RABL6: variants seen among roughly 807,000 people sequenced by gnomAD.
The protein encoded by RABL6 is RAB, member RAS oncogene family like 6.
A neutral mutation model predicts 72.9 loss-of-function variants in RABL6; 28 were observed. The ratio of observed to expected loss-of-function variants is 0.38; its 90% CI spans 0.28 to 0.53. The LOEUF (loss-of-function observed/expected upper bound fraction) is 0.53, where lower values mean the gene tolerates loss of function less well. Among genes scored for constraint, RABL6 ranks in the 20% least tolerant of loss-of-function variants. The pLI is 0.80. For synonymous variants in RABL6, 477 were observed against 421.2 expected (o/e 1.13, Z -1.62); for missense variants, 1,029 against 1,008.4 (o/e 1.02, Z -0.28).
At chr9:136,821,701 G>A (rs1223984913) in intron 1 of RABL6, 1 of 1,017,712 alleles carries the variant, frequency 9.8e-7, no homozygotes, top group African/African-American at 1.7e-5. Flanking sequence ...GCTGCGCTGA[G>A]CGCCTGCGGC....
chr9:136,815,809 A>C (rs1848107681), intron 1 of RABL6, among the ~76,000 whole-genome samples: 1 of 152,360 alleles, frequency 6.6e-6, no homozygotes, highest in African/African-American at 2.4e-5. Flanking sequence ...GAAGGAGTTA[A>C]ATTGAATCAG....
Position 136,837,538 on chromosome 9 carries a change from C to T in RABL6, c.1002C>T (p.Pro334=). The change falls in exon 9 of 15, where the codon CCC becomes CCT. Residue 334 remains proline, a synonymous_variant. Transcript: ENST00000311502. ...ATGCCGCCCCACCATCCTCTGTGCC[C>T]CCTGTACCACCCTCAGAGGCCCTGC... ...PLNAAPPSSV[P]PVPPSEALPP... is the part of the protein sequence containing the mutation. The T allele has an allele frequency of 3.9e-6, 6 of 1,550,154 alleles. No individual in the cohort carries two copies. Among genetic ancestry groups the T allele is most frequent in the Non-Finnish European group, 5.2e-6 (6 of 1,150,642 alleles).
rs1848362989 is a variant in RABL6 at position 136,826,572 on chromosome 9, G to GGTGGGTTTGGGGT, written c.313+747_313+748insTGGGTTTGGGGTG. The GGTGGGTTTGGGGT allele has an allele frequency of 6.6e-6, 1 of 152,634 alleles. No homozygotes were observed. Among genetic ancestry groups the GGTGGGTTTGGGGT allele is most frequent in the African/African-American group, 2.4e-5 (1 of 41,436 alleles). The allele number at this position is 152,634 out of a possible 1,614,324, so 9.5% of individuals were successfully genotyped here. ...TTTGTTGGGGTGGGTTTGGCCATGG[G>GGTGGGTTTGGGGT]GGGTTAGAGGCAGGTGCTCATGCAG... is the stretch of plus-strand genomic sequence containing the variant. On this transcript the variant is annotated intron_variant, in intron 3 of 14. Coordinates refer to ENST00000311502, the MANE Select transcript of RABL6 (RefSeq NM_024718.5). This position sits in a 1 kb window ranked among gnomAD's most constrained non-coding sequence, Gnocchi z 4.9.
At chr9:136,834,762 G>A (rs191382387) in intron 7 of RABL6, among the ~76,000 whole-genome samples, 18 of 152,058 alleles carry the variant, frequency 1.2e-4, no homozygotes, top group African/African-American at 1.7e-4. Context: ...ACAGGTGTGA[G>A]CCACCACGCC....
At chr9:136,810,111 A>G (rs1443266505) in intron 1 of RABL6, 1 of 152,272 alleles carries the variant, frequency 6.6e-6, no homozygotes, top group Non-Finnish European at 1.5e-5. Flanking sequence ...AACTGAGTTT[A>G]CGCCAGTTTT....
intron 1 of RABL6, among the ~76,000 whole-genome samples, chr9:136,820,536 T>G (rs190326137): frequency 2.1e-4 from 32 of 152,246 alleles, no homozygotes; most frequent in African/African-American, 7.7e-4. Context: ...CACACCCGGC[T>G]AATTTTGTAT....
intron 10 of RABL6, among the ~76,000 whole-genome samples, 183 bp downstream of exon 10, chr9:136,838,198 G>A (rs768591537): frequency 5.3e-5 from 8 of 152,242 alleles, no homozygotes; most frequent in Non-Finnish European, 7.3e-5. Context: ...GGGGCTTCCA[G>A]ACATCAGAAA....
chr9:136,820,029 CCT>C lies in RABL6; in HGVS notation c.131-3495_131-3494del, dbSNP rs1324626009. ...ACCAGCCCGGGCAAAATGGTGAACC[CCT>C]GTCTCTACTAAAATACAGAAAATTA... On this transcript the variant is annotated intron_variant, in intron 1 of 14. Coordinates refer to ENST00000311502, the MANE Select transcript of RABL6 (RefSeq NM_024718.5). 3.9e-5 allele frequency among the ~76,000 whole-genome samples: 6 copies of C among 151,936 alleles called. No homozygotes were observed. In the East Asian group the frequency reaches 5.8e-4, roughly 15 times the overall value.
At chr9:136,810,157 T>C (rs1215956791) in intron 1 of RABL6, 3 of 152,232 alleles carry the variant, frequency 2.0e-5, no homozygotes, top group African/African-American at 7.2e-5. Context: ...TTAATTTTAT[T>C]GCTTACAGTA....
Position 136,840,915 on chromosome 9 carries a change from GCTCATCTGGGGCC to G in RABL6, c.*394_*406del. On this transcript the variant is annotated 3_prime_UTR_variant, in exon 15 of 15. Transcript: ENST00000311502. ...GCCCCGGCACCTGCTTGCCCTCCGC[GCTCATCTGGGGCC>G]GCAGCATGCCTATGGTTCCGCTTCC... is the stretch of plus-strand genomic sequence containing the variant. 6.7e-7 allele frequency: 1 copy of G among 1,489,746 alleles called. No homozygotes were observed. The highest frequency in any genetic ancestry group is 2.5e-5 in the East Asian group (1 of 40,170). The allele number at this position is 1,489,746 out of a possible 1,614,324, so 92.3% of individuals were successfully genotyped here.
intron 1 of RABL6, chr9:136,821,406 G>A: frequency 1.0e-6 from 1 of 985,458 alleles, no homozygotes; most frequent in Non-Finnish European, 1.2e-6. Context: ...CCGCCTGAGC[G>A]GTGCCGGGGC....
At chr9:136,815,870 A>G (rs900053453) in intron 1 of RABL6, among the ~76,000 whole-genome samples, 2 of 152,234 alleles carry the variant, frequency 1.3e-5, no homozygotes, top group Non-Finnish European at 2.9e-5. Context: ...TCTGCATTGT[A>G]TCTTCTAAAA....
chr9:136,821,773 G>T (rs944229631), intron 1 of RABL6: 1 of 1,158,722 alleles, frequency 8.6e-7, no homozygotes, highest in African/African-American at 1.7e-5. Context: ...CGCTGCAGGC[G>T]GCCTCTGTTC....
intron 3 of RABL6, 52 bp downstream of exon 3, chr9:136,825,878 G>T: frequency 6.4e-7 from 1 of 1,564,262 alleles, no homozygotes; most frequent in South Asian, 1.1e-5. Flanking sequence ...TGTGCTCTGC[G>T]CAGAGAGGCT....
rs945740144 is a variant in RABL6, at chr9:136,829,980, G to C, written c.458+496G>C. On this transcript the variant is annotated intron_variant, in intron 5 of 14. Transcript: ENST00000311502. ...TGTGGAGTCGCATGGGATCCACTCA[G>C]CTCCTCAGGAGTGCAGTGTCCCCCA... Among the ~76,000 whole-genome samples, 3 of 152,352 alleles carry C rather than the reference G, an allele frequency of 2.0e-5. No homozygotes were observed. In the East Asian group the frequency reaches 5.8e-4, roughly 29 times the overall value.
chr9:136,812,117 G>A (rs4242707), intron 1 of RABL6, among the ~76,000 whole-genome samples: 113,717 of 152,164 alleles, frequency 0.75, 42,977 homozygotes, highest in East Asian at 0.86. Context: ...TACTGTGACT[G>A]GACACAAAAT....
At chr9:136,836,914 C>A (rs1321564033) in intron 8 of RABL6, 3 of 340,124 alleles carry the variant, frequency 8.8e-6, no homozygotes, top group Non-Finnish European at 1.7e-5. Context: ...CGCTCTGTCG[C>A]CCAGGCTGGA....
chr9:136,836,734 C>G (rs1848590634), intron 8 of RABL6: 1 of 162,922 alleles, frequency 6.1e-6, no homozygotes, highest in South Asian at 1.6e-4. Flanking sequence ...AACCCCCGCT[C>G]ACGGGAAGGT....
intron 2 of RABL6, among the ~76,000 whole-genome samples, chr9:136,823,986 G>A (rs1050916021): frequency 1.3e-5 from 2 of 152,232 alleles, no homozygotes; most frequent in African/African-American, 4.8e-5. Flanking sequence ...CCCTCTTGGT[G>A]CACATGGTAT....
Sources: allele counts gnomAD v4.1 joint callset (sites outside exome capture counted in the v4.1 genomes callset), GRCh38; gene constraint gnomAD v4.1.1; non-coding constraint Gnocchi (gnomAD v3.1); transcripts MANE v1.5; gene names NCBI Gene and HGNC (gene_info 2026-07-23, HGNC 2026-07-21).